Variants in KMT2E observed in about 807,000 individuals in gnomAD.
KMT2E encodes the protein histone reader KMT2E.
KMT2E carries 30 observed loss-of-function variants against 184.6 expected under a neutral mutation model. The observed-to-expected ratio is 0.16, with a 90% CI of 0.12 to 0.22. The LOEUF (loss-of-function observed/expected upper bound fraction) is 0.22, where lower values mean the gene tolerates loss of function less well. Ranked by LOEUF, KMT2E falls within the 10% of genes least tolerant of loss-of-function variation. The pLI is 1.00. For missense variants in KMT2E, 2,023 were observed against 2,237.4 expected (o/e 0.90, Z 1.93); for synonymous variants, 815 against 776.5 (o/e 1.05, Z -0.82).
intron 6 of KMT2E, among the ~76,000 whole-genome samples, chr7:105,073,267 C>G (rs1409572389): frequency 6.6e-6 from 1 of 151,840 alleles, no homozygotes; most frequent in Non-Finnish European, 1.5e-5. Context: ...CATGATGGTG[C>G]AGGCCTGTAG....
At chr7:105,041,143 G>GA in intron 3 of KMT2E, 120 bp downstream of exon 3, 2 of 457,782 alleles carry the variant, frequency 4.4e-6, no homozygotes, top group Middle Eastern at 6.9e-4. Flanking sequence ...ATTTTTTAAA[G>GA]TAAAAAAAAA....
chr7:105,072,280 G>A (rs999743947), intron 6 of KMT2E, among the ~76,000 whole-genome samples: 1 of 152,012 alleles, frequency 6.6e-6, no homozygotes, highest in Admixed American at 6.6e-5. Flanking sequence ...GTCGCACCAC[G>A]GAACTCCAGC....
chr7:105,054,427 T>A (rs1796477824), intron 3 of KMT2E, among the ~76,000 whole-genome samples: 1 of 152,038 alleles, frequency 6.6e-6, no homozygotes, highest in East Asian at 1.9e-4. Flanking sequence ...GGGGAATTAT[T>A]TGTTGTAAAA....
chr7:105,056,659 C>T lies in KMT2E; in HGVS notation c.72-5505C>T, dbSNP rs538870427. Among the ~76,000 whole-genome samples, 3 of 152,230 alleles carry T rather than the reference C, an allele frequency of 2.0e-5. No individual in the cohort carries two copies. The South Asian group carries it at 6.2e-4, about 32-fold the overall frequency. On this transcript the variant is annotated intron_variant, in intron 3 of 26. Coordinates refer to ENST00000311117, the MANE Select transcript of KMT2E (RefSeq NM_182931.3). ...CATTGGGCTTGTACATAGAACCACTCTATTGGAAGTTTGAATTATTGTGAA... is the reference window on the plus strand; with the variant it reads ...CATTGGGCTTGTACATAGAACCACTTTATTGGAAGTTTGAATTATTGTGAA...
chr7:105,091,088 TTAAA>T (rs1798183967), intron 14 of KMT2E, 124 bp from the exon 15 acceptor site: 2 of 503,568 alleles, frequency 4.0e-6, no homozygotes, highest in Non-Finnish European at 7.2e-6. Context: ...TTTAAATTTC[TTAAA>T]TAATTTAAAT....
intron 15 of KMT2E, among the ~76,000 whole-genome samples, chr7:105,094,936 A>C (rs1798343401): frequency 6.6e-6 from 1 of 152,192 alleles, no homozygotes; most frequent in Non-Finnish European, 1.5e-5. Flanking sequence ...CTTGTGAATA[A>C]GTGGGATCTA....
At chr7:105,046,833 C>T (rs1348566936) in intron 3 of KMT2E, among the ~76,000 whole-genome samples, 2 of 152,134 alleles carry the variant, frequency 1.3e-5, no homozygotes, top group East Asian at 3.9e-4. Flanking sequence ...ATGTACAATA[C>T]AGTTTAACAA....
chr7:105,112,938 G>A lies in KMT2E; in HGVS notation c.5182G>A (p.Ala1728Thr), dbSNP rs1799389024. 6.2e-7 allele frequency: 1 copy of A among 1,613,610 alleles called. No individual in the cohort carries two copies. Among genetic ancestry groups the A allele is most frequent in the Admixed American group, 1.7e-5 (1 of 59,938 alleles). ...PPPPPPSSVL[A>T]SGHHTTSAQA... is the part of the protein sequence containing the mutation. ...TCCGCCGCCACCTTCCAGTGTTTTG[G>A]CTTCTGGGCATCATACCACATCAGC... Residue 1728 changes from alanine (A) to threonine (T), a missense_variant, in exon 27 of 27, where the codon GCT becomes ACT. Coordinates refer to ENST00000311117, the MANE Select transcript of KMT2E (RefSeq NM_182931.3).
intron 6 of KMT2E, among the ~76,000 whole-genome samples, chr7:105,067,202 G>A (rs1797067680): frequency 6.6e-6 from 1 of 151,594 alleles, no homozygotes; most frequent in South Asian, 2.1e-4. Context: ...CTAAAATCAG[G>A]AAAATATCTA....
intron 3 of KMT2E, among the ~76,000 whole-genome samples, chr7:105,050,711 TTCTG>T (rs761194692): frequency 1.8e-4 from 27 of 151,206 alleles, no homozygotes; most frequent in South Asian, 4.2e-4. Context: ...TTCTCTCTCT[TTCTG>T]TCTGTCTGTC....
intron 17 of KMT2E, chr7:105,103,106 G>A (rs191251215): frequency 1.3e-5 from 2 of 152,016 alleles, no homozygotes; most frequent in Admixed American, 1.3e-4. Context: ...CTGTAACAAT[G>A]GACAAAAAAA....
intron 3 of KMT2E, among the ~76,000 whole-genome samples, chr7:105,055,757 T>C (rs1452680956): frequency 6.6e-6 from 1 of 152,220 alleles, no homozygotes; most frequent in Non-Finnish European, 1.5e-5. Context: ...TCTCTTTGCC[T>C]TCTCTATTTC....
At chr7:105,108,451 T>G (rs1799007122) in intron 22 of KMT2E, 1 of 380,782 alleles carries the variant, frequency 2.6e-6, no homozygotes, top group Non-Finnish European at 5.2e-6. Flanking sequence ...ATGCCTTATT[T>G]CAAAAGAAAC....
intron 13 of KMT2E, among the ~76,000 whole-genome samples, chr7:105,086,905 AT>A (rs1797992261): frequency 1.3e-5 from 1 of 79,746 alleles, no homozygotes; most frequent in South Asian, 3.4e-4. Flanking sequence ...TATATATTAT[AT>A]ATTATATAGC....
intron 5 of KMT2E, among the ~76,000 whole-genome samples, chr7:105,065,053 C>T (rs1796974082): frequency 6.6e-6 from 1 of 152,126 alleles, no homozygotes; most frequent in African/African-American, 2.4e-5. Context: ...GACCAGTTCA[C>T]AGTTTTTGGA....
intron 13 of KMT2E, among the ~76,000 whole-genome samples, chr7:105,086,965 G>A (rs899745250): frequency 9.0e-5 from 13 of 144,734 alleles, no homozygotes; most frequent in Non-Finnish European, 3.0e-5. Flanking sequence ...TGTAATATTA[G>A]CATATATACT....
chr7:105,023,703 C>A (rs1322934045), intron 1 of KMT2E, among the ~76,000 whole-genome samples: 2 of 152,116 alleles, frequency 1.3e-5, no homozygotes, highest in Non-Finnish European at 2.9e-5. Flanking sequence ...CCTTGGCCTT[C>A]CAAAGTGCTG....
intron 3 of KMT2E, among the ~76,000 whole-genome samples, chr7:105,047,218 G>T (rs552781300): frequency 1.3e-5 from 2 of 152,336 alleles, no homozygotes; most frequent in East Asian, 3.9e-4. Flanking sequence ...TGCCTAGAAT[G>T]TACCAAAATT....
intron 4 of KMT2E, 30 bp downstream of exon 4, chr7:105,062,308 A>G (rs907961135): frequency 2.8e-6 from 4 of 1,452,394 alleles, no homozygotes; most frequent in Middle Eastern, 3.5e-4. Flanking sequence ...TTGAAAAAAC[A>G]TTTTTAAATT....
Sources: gnomAD v4.1 joint callset for allele counts (sites outside exome capture counted in the v4.1 genomes callset) on GRCh38, gnomAD v4.1.1 for gene constraint, MANE v1.5 for transcripts, NCBI Gene and HGNC (gene_info 2026-07-23, HGNC 2026-07-21) for gene names.